PIEZO1: variants seen among roughly 807,000 people sequenced by gnomAD.
PIEZO1 encodes the protein piezo-type mechanosensitive ion channel component 1.
A neutral mutation model predicts 297.2 loss-of-function variants in PIEZO1; 296 were observed. The observed-to-expected ratio is 1.00, with a 90% CI of 0.91 to 1.10. The LOEUF is 1.10. PIEZO1 is among the 50% of genes least tolerant of loss of function. The probability of loss-of-function intolerance (pLI) is 0.00; values close to 1 mark genes in which losing one functional copy is unlikely to be tolerated. For missense variants in PIEZO1, 5,018 were observed against 3,455.5 expected, an observed-to-expected ratio of 1.45 and a Z score of -11.34; for synonymous variants, 2,427 against 1,507.5, an observed-to-expected ratio of 1.61 and a Z score of -14.13.
chr16:88,739,041 G>C (rs1027316202), intron 5 of PIEZO1: 19 of 471,164 alleles, frequency 4.0e-5, no homozygotes, highest in Non-Finnish European at 6.2e-5. Flanking sequence ...GGTACAGACA[G>C]ACCACAGACT....
At chr16:88,737,503 C>T in intron 10 of PIEZO1, 56 bp downstream of exon 10, 1 of 1,276,038 alleles carries the variant, frequency 7.8e-7, no homozygotes, top group Non-Finnish European at 1.1e-6. Flanking sequence ...GGGGGCAGCA[C>T]CGGCCTCCGC....
chr16:88,757,096 G>A (rs576270865), intron 1 of PIEZO1, among the ~76,000 whole-genome samples: 2 of 152,154 alleles, frequency 1.3e-5, no homozygotes, highest in Non-Finnish European at 2.9e-5. Flanking sequence ...AAAAATGGGT[G>A]GCTGGGGAGC....
At chr16:88,724,001 T>G (rs1904305881) in intron 30 of PIEZO1, 30 bp from the exon 31 acceptor site, 4 of 1,350,434 alleles carry the variant, frequency 3.0e-6, no homozygotes, top group South Asian at 2.5e-5. Flanking sequence ...AGAGCCAGCC[T>G]TCCATGCAGG....
chr16:88,722,933 C>G lies in PIEZO1; in HGVS notation c.4572G>C (p.Glu1524Asp), dbSNP rs774318252. ...TGAACTCCTGCAGCCAGCGTGTCAGCTCATCCACTAGCGCCTGCCCCAGCA... is the reference window on the plus strand; with the variant it reads ...TGAACTCCTGCAGCCAGCGTGTCAGGTCATCCACTAGCGCCTGCCCCAGCA... ...LWMLGQALVDELTRWLQEFTR... is the reference protein window; with the variant it reads ...LWMLGQALVDDLTRWLQEFTR... Residue 1524 changes from glutamate (E) to aspartate (D), a missense_variant, in exon 34 of 51, where the codon GAG becomes GAC. Coordinates refer to ENST00000301015, the MANE Select transcript of PIEZO1 (RefSeq NM_001142864.4). 5 of 1,549,292 alleles carry G rather than the reference C, an allele frequency of 3.2e-6. No individual in the cohort carries two copies. Among genetic ancestry groups the G allele is most frequent in the Non-Finnish European group, 4.4e-6 (5 of 1,146,792 alleles).
At chr16:88,720,346 C>A in intron 41 of PIEZO1, 39 bp downstream of exon 41, 2 of 1,550,170 alleles carry the variant, frequency 1.3e-6, no homozygotes, top group Non-Finnish European at 1.7e-6. Context: ...GGCTGCTGAG[C>A]TCTGCGTACA....
At chr16:88,718,086 CT>C (rs1277740901) in intron 44 of PIEZO1, 13 of 236,266 alleles carry the variant, frequency 5.5e-5, no homozygotes, top group South Asian at 1.9e-4. Context: ...CCCAACTAAA[CT>C]ATGGAGAAAG....
At chr16:88,730,745 T>G (rs1904747219) in intron 22 of PIEZO1, among the ~76,000 whole-genome samples, 1 of 151,666 alleles carries the variant, frequency 6.6e-6, no homozygotes. Context: ...TACGGGGAGA[T>G]GATGTAACAG....
chr16:88,741,495 G>C lies in PIEZO1; in HGVS notation c.448C>G (p.Pro150Ala), dbSNP rs1336802534. 3.9e-6 allele frequency: 6 copies of C among 1,535,310 alleles called. No homozygotes were observed. Among genetic ancestry groups the C allele is most frequent in the Non-Finnish European group, 5.2e-6 (6 of 1,146,634 alleles). ...GCCCTCACCAGCTCCCGTGGATGTGGGCTCTGCCGGGTGTTCCTTGCAAGG... is the reference window on the plus strand; with the variant it reads ...GCCCTCACCAGCTCCCGTGGATGTGCGCTCTGCCGGGTGTTCCTTGCAAGG... ...GRLARNTRQS[P>A]HPRELDDDER... Residue 150 changes from proline (P) to alanine (A), a missense_variant, in exon 5 of 51, where the codon CCA becomes GCA. Coordinates refer to ENST00000301015, the MANE Select transcript of PIEZO1 (RefSeq NM_001142864.4).
rs1297316566 is a variant in PIEZO1, at chr16:88,722,626, G to A, written c.4732C>T (p.Pro1578Ser). 6.5e-7 allele frequency: 1 copy of A among 1,538,450 alleles called. No homozygotes were observed. Among genetic ancestry groups the A allele is most frequent in the East Asian group, 2.4e-5 (1 of 40,856 alleles). ...LYTSQAEATL[P>S]GPTEAPNAPS... Reference sequence around the variant, plus strand: ...GCATTGGGGGCCTCGGTGGGGCCTGGCAGCGTGGCCTCGGCCTGGCTTGTG... The same window carrying A: ...GCATTGGGGGCCTCGGTGGGGCCTGACAGCGTGGCCTCGGCCTGGCTTGTG... Residue 1578 changes from proline (P) to serine (S), a missense_variant, in exon 35 of 51, where the codon CCA becomes TCA. Physicochemically the swap from Pro to Ser is moderately conservative, Grantham distance 74. Coordinates refer to ENST00000301015, the MANE Select transcript of PIEZO1 (RefSeq NM_001142864.4).
intron 1 of PIEZO1, among the ~76,000 whole-genome samples, chr16:88,774,585 G>A (rs1389310849): frequency 2.6e-5 from 4 of 152,184 alleles, no homozygotes; most frequent in Non-Finnish European, 5.9e-5. Context: ...GGGCATCGCT[G>A]GCCCAGCTGC....
At chr16:88,781,062 G>A (rs1597492505) in intron 1 of PIEZO1, among the ~76,000 whole-genome samples, 1 of 152,388 alleles carries the variant, frequency 6.6e-6, no homozygotes, top group East Asian at 1.9e-4. Context: ...AGAGAGGCCA[G>A]GAATGGCTTC....
rs1904437243 is a variant in PIEZO1, at chr16:88,726,435, C to G, written c.3817G>C (p.Asp1273His). 1.3e-6 allele frequency: 2 copies of G among 1,550,236 alleles called. No individual in the cohort carries two copies. Among genetic ancestry groups the G allele is most frequent in the African/African-American group, 1.4e-5 (1 of 73,064 alleles). The change falls in exon 27 of 51, where the codon GAC becomes CAC. Residue 1273 changes from aspartate (D) to histidine (H), a missense_variant. Coordinates refer to ENST00000301015, the MANE Select transcript of PIEZO1 (RefSeq NM_001142864.4). ...YYDPKEMMDR[D>H]QDCLLPVEEA... ...TCCACAGGCAGCAGGCAGTCCTGGTCTCTGTCCATCATCTCCTTGGCTGCA... is the reference window on the plus strand; with the variant it reads ...TCCACAGGCAGCAGGCAGTCCTGGTGTCTGTCCATCATCTCCTTGGCTGCA...
chr16:88,717,459 T>G (rs1912132716), intron 44 of PIEZO1: 4 of 614,178 alleles, frequency 6.5e-6, no homozygotes, highest in South Asian at 4.8e-5. Context: ...GGACAACCTT[T>G]TTCAACACGG....
intron 27 of PIEZO1, 74 bp from the exon 28 acceptor site, chr16:88,725,758 C>G (rs1171687165): frequency 1.2e-6 from 1 of 807,066 alleles, no homozygotes; most frequent in African/African-American, 1.7e-5. Context: ...CCGCTCCCCG[C>G]TCAGCCCGGG....
chr16:88,725,355 G>A lies in PIEZO1; in HGVS notation c.4162+61C>T, dbSNP rs114660478. ...TCACATGGGCACAGACGCAGCACAC[G>A]CCAGCAGGCACAGACATGCTGGACA... is the stretch of plus-strand genomic sequence containing the variant. On this transcript the variant is annotated intron_variant, in intron 29 of 50. Coordinates refer to ENST00000301015, the MANE Select transcript of PIEZO1 (RefSeq NM_001142864.4). 3.5e-3 allele frequency: 3,630 copies of A among 1,040,134 alleles called. 87 individuals are homozygous for A. In the African/African-American group the frequency reaches 0.052, roughly 15 times the overall value. 64.4% of individuals were successfully genotyped at this position (1,040,134 alleles called of 1,614,324 possible). A position where few individuals can be genotyped will look rare whatever the true frequency, so the allele number is the denominator to read the frequency against.
At chr16:88,749,232 T>C (rs1327969440) in intron 2 of PIEZO1, among the ~76,000 whole-genome samples, 152 bp downstream of exon 2, 2 of 149,568 alleles carry the variant, frequency 1.3e-5, no homozygotes, top group Non-Finnish European at 3.0e-5. Context: ...TGAGCGAGAC[T>C]CCGTCTCAAA....
rs734918 is a variant in PIEZO1 at position 88,736,132 on chromosome 16, G to T, written c.1557+16C>A. ...TGCGCACCCAGGCACCCCCGGATGT[G>T]GTGGTGCACACTCACCATGGCACCA... On this transcript the variant is annotated intron_variant, in intron 12 of 50. Coordinates refer to ENST00000301015, the MANE Select transcript of PIEZO1 (RefSeq NM_001142864.4). 16 of 1,532,524 alleles carry T rather than the reference G, an allele frequency of 1.0e-5. No homozygotes were observed. Among genetic ancestry groups the T allele is most frequent in the East Asian group, 7.4e-5 (3 of 40,492 alleles). 94.9% of individuals were successfully genotyped at this position (1,532,524 alleles called of 1,614,324 possible). A position where few individuals can be genotyped will look rare whatever the true frequency, so the allele number is the denominator to read the frequency against.
chr16:88,775,199 G>C lies in PIEZO1; in HGVS notation c.64+9702C>G, dbSNP rs112642283. 3.9e-3 allele frequency among the ~76,000 whole-genome samples: 590 copies of C among 152,346 alleles called. 2 individuals carry two copies. Among genetic ancestry groups the C allele is most frequent in the African/African-American group, 0.012 (508 of 41,582 alleles). On this transcript the variant is annotated intron_variant, in intron 1 of 50. Coordinates refer to ENST00000301015, the MANE Select transcript of PIEZO1 (RefSeq NM_001142864.4). ...GCCCTGGGGAGAGGCCTGGCTCCTGGAAGGTGAGCAGGATTGCCTGGCACA... is the reference window on the plus strand; with the variant it reads ...GCCCTGGGGAGAGGCCTGGCTCCTGCAAGGTGAGCAGGATTGCCTGGCACA...
intron 44 of PIEZO1, 121 bp downstream of exon 44, chr16:88,719,453 A>G: frequency 1.1e-6 from 1 of 921,446 alleles, no homozygotes; most frequent in African/African-American, 1.7e-5. Flanking sequence ...TCATGTCCCC[A>G]TGGGCTCCGA....
Sources: allele counts gnomAD v4.1 joint callset (sites outside exome capture counted in the v4.1 genomes callset), GRCh38; gene constraint gnomAD v4.1.1; transcripts MANE v1.5; gene names NCBI Gene and HGNC (gene_info 2026-07-23, HGNC 2026-07-21).